Variants in ITPKB observed in about 807,000 individuals in gnomAD.
ITPKB encodes the protein IP3 3-kinase B.
ITPKB carries 13 observed loss-of-function variants against 69.4 expected under a neutral mutation model. That is an observed-to-expected ratio of 0.19 (90% CI 0.12 to 0.30). ITPKB has a LOEUF of 0.30. ITPKB is among the 10% of genes least tolerant of loss of function. The probability of loss-of-function intolerance (pLI) is 1.00; values close to 1 mark genes in which losing one functional copy is unlikely to be tolerated. For missense variants in ITPKB, 1,240 were observed against 1,250.5 expected (o/e 0.99, Z 0.13); for synonymous variants, 584 against 513.7 (o/e 1.14, Z -1.85).
At chr1:226,730,370 A>C (rs1047411536) in intron 2 of ITPKB, among the ~76,000 whole-genome samples, 1 of 152,216 alleles carries the variant, frequency 6.6e-6, no homozygotes, top group East Asian at 1.9e-4. Flanking sequence ...AAATTACCAA[A>C]GAGTTCATAG....
At position 226,647,348 on chromosome 1, in the gene ITPKB, G is replaced by C; in HGVS notation, c.2065C>G (p.Leu689Val). The C allele has an allele frequency of 6.2e-7, 1 of 1,614,106 alleles. No individual in the cohort carries two copies. The change falls in exon 4 of 8, where the codon CTG becomes GTG. Residue 689 changes from leucine to valine, a missense_variant. This residue lies in a region of ITPKB where 248 missense variants were observed against 396.7 expected (regional missense o/e 0.63). Transcript: ENST00000429204. ...SFKAAANGRI[L>V]KKHCESEQRC... The stretch of plus-strand genomic sequence containing the variant: ...TGCTCTGACTCACAGTGCTTCTTCA[G>C]GATCCTGCCATTGGCAGCTGCCTTG...
Position 226,641,841 on chromosome 1 carries a change from C to T in ITPKB, c.2451+80G>A. The T allele has an allele frequency of 7.6e-7, 1 of 1,322,402 alleles. No homozygotes were observed. The allele number at this position is 1,322,402 out of a possible 1,614,324, so 81.9% of individuals were successfully genotyped here. A position where few individuals can be genotyped will look rare whatever the true frequency, so the allele number is the denominator to read the frequency against. On this transcript the variant is annotated intron_variant, in intron 5 of 7. Transcript: ENST00000429204. The surrounding 1 kb of genome is among the most constrained non-coding windows in gnomAD (Gnocchi z 4.6). ...CTGTGCCTGGAGAAGCTTACAGCTT[C>T]CAAAGGGCGCTGAGAGAAGCCAAGC... is the stretch of plus-strand genomic sequence containing the variant.
At chr1:226,678,523 G>A (rs1655973886) in intron 2 of ITPKB, among the ~76,000 whole-genome samples, 1 of 152,210 alleles carries the variant, frequency 6.6e-6, no homozygotes, top group Non-Finnish European at 1.5e-5. Context: ...GTGAATTCTG[G>A]CTCTGTTCTT....
rs999519218 is a variant in ITPKB at position 226,737,015 on chromosome 1, G to C, written c.444C>G (p.Gly148=). The C allele has an allele frequency of 6.2e-6, 10 of 1,612,664 alleles. No homozygotes were observed. The highest frequency in any genetic ancestry group is 3.3e-5 in the Admixed American group (2 of 60,008). The change falls in exon 2 of 8, where the codon GGC becomes GGG. Residue 148 remains glycine (G), a synonymous_variant. Coordinates refer to ENST00000429204, the MANE Select transcript of ITPKB (RefSeq NM_002221.4). ...LQNVQVNQKV[G]MFEAHIQAQS... is the part of the protein sequence containing the mutation. ...GTGCCTGGATGTGCGCCTCAAACAT[G>C]CCCACTTTCTGGTTCACCTGCACGT...
chr1:226,713,512 G>A (rs1657024809), intron 2 of ITPKB, among the ~76,000 whole-genome samples: 1 of 152,208 alleles, frequency 6.6e-6, no homozygotes, highest in African/African-American at 2.4e-5. Flanking sequence ...ACTACGGCCA[G>A]GCACCCTATC....
chr1:226,643,594 A>G (rs1485587549), intron 4 of ITPKB, among the ~76,000 whole-genome samples: 2 of 152,210 alleles, frequency 1.3e-5, no homozygotes, highest in Non-Finnish European at 2.9e-5. Context: ...GAACAGACTA[A>G]ACAAAAACTA....
At chr1:226,713,814 C>CAA (rs1297140890) in intron 2 of ITPKB, among the ~76,000 whole-genome samples, 1 of 152,134 alleles carries the variant, frequency 6.6e-6, no homozygotes, top group African/African-American at 2.4e-5. Context: ...GTGTCCTGAA[C>CAA]AACTACCCCT....
In ITPKB at chr1:226,736,955, A is replaced by T; in HGVS notation, c.504T>A (p.Arg168=). 6.2e-7 allele frequency: 1 copy of T among 1,611,946 alleles called. No homozygotes were observed. The highest frequency in any genetic ancestry group is 8.5e-7 in the Non-Finnish European group (1 of 1,179,944). ...GGGAGGGCGAGCGAGCCCTGCCCAA[A>T]CGCGGGCTGCGGGGCGCTTGAATGG... The part of the protein sequence containing the change: ...SSAIQAPRSP[R]LGRARSPSPC... Residue 168 remains arginine, a synonymous_variant, in exon 2 of 8, where the codon CGT becomes CGA. Transcript: ENST00000429204.
chr1:226,720,668 C>G (rs1657213446), intron 2 of ITPKB, among the ~76,000 whole-genome samples: 1 of 152,160 alleles, frequency 6.6e-6, no homozygotes. Context: ...CATCCTAAGA[C>G]TGTTTAGTAT....
Position 226,665,111 on chromosome 1 carries a change from C to G in ITPKB, c.1933-16340G>C, listed in dbSNP as rs559406571. Among the ~76,000 whole-genome samples, 11 of 152,334 alleles carry G rather than the reference C, an allele frequency of 7.2e-5. No homozygotes were observed. The South Asian group carries it at 1.7e-3, about 23-fold the overall frequency. On this transcript the variant is annotated intron_variant, in intron 2 of 7. Coordinates refer to ENST00000429204, the MANE Select transcript of ITPKB (RefSeq NM_002221.4). ...AAAAATCAGATTCCACACAAAAATCCGAATTCCCAACTTCTCTTTGAAATC... is the reference window on the plus strand; with the variant it reads ...AAAAATCAGATTCCACACAAAAATCGGAATTCCCAACTTCTCTTTGAAATC...
At chr1:226,687,760 T>C (rs1287844548) in intron 2 of ITPKB, among the ~76,000 whole-genome samples, 2 of 152,208 alleles carry the variant, frequency 1.3e-5, no homozygotes, top group Non-Finnish European at 2.9e-5. Flanking sequence ...GAAGGATCTC[T>C]AGCTGGGCAG....
rs147747499 is a variant in ITPKB, at chr1:226,689,718, T to C, written c.1933-40947A>G. On this transcript the variant is annotated intron_variant, in intron 2 of 7. Transcript: ENST00000429204. Reference sequence around the variant, plus strand: ...GTTTTACAGATTATTTCATCACCCATGTATTAAGCCTAGTACCCATTAGTT... The same window carrying C: ...GTTTTACAGATTATTTCATCACCCACGTATTAAGCCTAGTACCCATTAGTT... 1.8e-3 allele frequency among the ~76,000 whole-genome samples: 269 copies of C among 152,186 alleles called. 1 individual carries two copies. The Middle Eastern group carries it at 0.034, about 19-fold the overall frequency.
At chr1:226,677,223 C>A (rs1455805653) in intron 2 of ITPKB, among the ~76,000 whole-genome samples, 2 of 152,226 alleles carry the variant, frequency 1.3e-5, no homozygotes, top group Admixed American at 1.3e-4. Flanking sequence ...AATCAGCCCA[C>A]AAGAATTTGC....
At chr1:226,646,840 C>T (rs944126230) in intron 4 of ITPKB, among the ~76,000 whole-genome samples, 11 of 152,292 alleles carry the variant, frequency 7.2e-5, no homozygotes, top group African/African-American at 2.6e-4. Context: ...GCACCCCCAG[C>T]GATCCCACCT....
chr1:226,695,767 G>A (rs561942651), intron 2 of ITPKB, among the ~76,000 whole-genome samples: 1 of 152,324 alleles, frequency 6.6e-6, no homozygotes, highest in South Asian at 2.1e-4. Context: ...GGGAAGAGAA[G>A]AAGGACAGGA....
chr1:226,711,291 A>G (rs3768403), intron 2 of ITPKB, among the ~76,000 whole-genome samples: 35,451 of 151,884 alleles, frequency 0.23, 5,130 homozygotes, highest in South Asian at 0.39. Flanking sequence ...CACCTCCCCA[A>G]AATCCTTTGA....
chr1:226,700,629 C>T (rs1351686065), intron 2 of ITPKB, among the ~76,000 whole-genome samples: 2 of 152,016 alleles, frequency 1.3e-5, no homozygotes, highest in African/African-American at 4.8e-5. Context: ...AACCCAATGC[C>T]AAAAGTGTTT....
At chr1:226,671,765 A>T (rs927832039) in intron 2 of ITPKB, among the ~76,000 whole-genome samples, 1 of 152,174 alleles carries the variant, frequency 6.6e-6, no homozygotes, top group South Asian at 2.1e-4. Flanking sequence ...CTGCAGACAG[A>T]GGGAGCGGTC....
At chr1:226,654,972 G>GA (rs968335337) in intron 2 of ITPKB, among the ~76,000 whole-genome samples, 4 of 151,594 alleles carry the variant, frequency 2.6e-5, no homozygotes, top group Non-Finnish European at 4.4e-5. Context: ...GAGGGAGGAA[G>GA]AAGAGGAGAG....
Sources: allele counts gnomAD v4.1 joint callset (sites outside exome capture counted in the v4.1 genomes callset), GRCh38; gene constraint gnomAD v4.1.1; regional missense constraint gnomAD v4.1.1; non-coding constraint Gnocchi (gnomAD v3.1); transcripts MANE v1.5; gene names NCBI Gene and HGNC (gene_info 2026-07-23, HGNC 2026-07-21).